Variants in MTUS2 observed in about 807,000 individuals in gnomAD.
The protein encoded by MTUS2 is microtubule-associated tumor suppressor candidate 2.
In MTUS2, 40 loss-of-function variants were observed where a neutral mutation model predicts 114.1. The observed-to-expected ratio is 0.35, with a 90% CI of 0.27 to 0.46. MTUS2 has a LOEUF of 0.46. MTUS2 is among the 20% of genes least tolerant of loss of function. The pLI is 1.00. For synonymous variants in MTUS2, 688 were observed against 672.0 expected (o/e 1.02, Z -0.37); for missense variants, 1,679 against 1,705.4 (o/e 0.98, Z 0.27).
intron 2 of MTUS2, among the ~76,000 whole-genome samples, chr13:28,930,951 A>G (rs1250662624): frequency 6.6e-6 from 1 of 152,194 alleles, no homozygotes; most frequent in Non-Finnish European, 1.5e-5. Context: ...TGTTTGTTTT[A>G]GAAGAATTAG....
chr13:29,008,487 G>A (rs140457628), intron 2 of MTUS2, among the ~76,000 whole-genome samples: 5 of 152,174 alleles, frequency 3.3e-5, no homozygotes, highest in African/African-American at 9.6e-5. Flanking sequence ...ATCTGTCCTG[G>A]CTCCCCTGTC....
intron 8 of MTUS2, among the ~76,000 whole-genome samples, chr13:29,364,416 T>C (rs1870535449): frequency 1.3e-5 from 2 of 152,136 alleles, no homozygotes; most frequent in Non-Finnish European, 2.9e-5. Flanking sequence ...GACTTCTGAA[T>C]AGAGATTTAG....
chr13:28,874,925 A>G (rs541410639), intron 2 of MTUS2, among the ~76,000 whole-genome samples: 23 of 152,310 alleles, frequency 1.5e-4, no homozygotes, highest in Middle Eastern at 3.4e-3. Flanking sequence ...ATCATGAGAG[A>G]AGTAGGATCT....
intron 8 of MTUS2, chr13:29,428,721 C>T: frequency 6.5e-7 from 1 of 1,539,278 alleles, no homozygotes; most frequent in South Asian, 1.3e-5. Context: ...CCAAGGGAAC[C>T]ACATGGAAGT....
chr13:28,842,205 A>T (rs1488568249), intron 2 of MTUS2, among the ~76,000 whole-genome samples: 1 of 152,004 alleles, frequency 6.6e-6, no homozygotes, highest in East Asian at 1.9e-4. Flanking sequence ...TGAAGAAAAA[A>T]ATGTGGATTT....
intron 6 of MTUS2, 63 bp downstream of exon 6, chr13:29,281,928 C>A: frequency 6.7e-7 from 1 of 1,488,978 alleles, no homozygotes; most frequent in East Asian, 2.3e-5. Context: ...AATAAAAAGT[C>A]TTTTGAAAGC....
At chr13:29,245,088 T>C (rs1017797303) in intron 5 of MTUS2, among the ~76,000 whole-genome samples, 1 of 151,904 alleles carries the variant, frequency 6.6e-6, no homozygotes, top group Non-Finnish European at 1.5e-5. Flanking sequence ...AAGTTTGAGC[T>C]GTTAAAAGAT....
chr13:29,499,886 C>G (rs559125796), intron 14 of MTUS2, among the ~76,000 whole-genome samples: 5 of 152,220 alleles, frequency 3.3e-5, no homozygotes, highest in Admixed American at 2.6e-4. Context: ...GCTGGATTGT[C>G]GCCAAGATTC....
At chr13:29,285,741 G>A (rs952499125) in intron 6 of MTUS2, among the ~76,000 whole-genome samples, 1 of 152,158 alleles carries the variant, frequency 6.6e-6, no homozygotes, top group Admixed American at 6.5e-5. Flanking sequence ...TGGGGAAAAT[G>A]AAGAGGGCAT....
intron 9 of MTUS2, among the ~76,000 whole-genome samples, chr13:29,447,698 A>T (rs3923361): frequency 0.11 from 17,011 of 148,864 alleles, 1,563 homozygotes; most frequent in African/African-American, 0.26. Context: ...TGTGGGGTTT[A>T]CGGGAATTGG....
chr13:28,832,480 T>A (rs1874755166), intron 1 of MTUS2, among the ~76,000 whole-genome samples: 1 of 146,998 alleles, frequency 6.8e-6, no homozygotes, highest in Non-Finnish European at 1.5e-5. Context: ...CACAAACTTC[T>A]GAGATGCAAC....
intron 4 of MTUS2, among the ~76,000 whole-genome samples, chr13:29,043,092 A>C (rs1887446961): frequency 6.6e-6 from 1 of 151,680 alleles, no homozygotes; most frequent in South Asian, 2.1e-4. Flanking sequence ...TTTTTGATGC[A>C]GGCACTGCTT....
intron 5 of MTUS2, among the ~76,000 whole-genome samples, chr13:29,246,571 A>C (rs1235891952): frequency 6.6e-6 from 1 of 152,208 alleles, no homozygotes; most frequent in Non-Finnish European, 1.5e-5. Flanking sequence ...TACCAAGTTG[A>C]ACTCAAACAG....
intron 9 of MTUS2, among the ~76,000 whole-genome samples, chr13:29,447,365 T>C (rs1878359876): frequency 6.6e-6 from 1 of 151,276 alleles, no homozygotes; most frequent in Non-Finnish European, 1.5e-5. Flanking sequence ...AAAGGGGGAG[T>C]ATTTTGACTT....
At position 29,034,051 on chromosome 13, in the gene MTUS2, G is replaced by A; in HGVS notation, c.2372G>A (p.Arg791Lys). The A allele has an allele frequency of 6.2e-7, 1 of 1,613,988 alleles. No homozygotes were observed. The highest frequency in any genetic ancestry group is 8.5e-7 in the Non-Finnish European group (1 of 1,179,896). Reference sequence around the variant, plus strand: ...AGCAGGATTCTGATTGCAAGTCAGAGGTCTTCAGCGAGCGCCATCCACCCA... The same window carrying A: ...AGCAGGATTCTGATTGCAAGTCAGAAGTCTTCAGCGAGCGCCATCCACCCA... ...AKSRILIASQRSSASAIHPPG... is the reference protein window; with the variant it reads ...AKSRILIASQKSSASAIHPPG... The change falls in exon 4 of 16, where the codon AGG (arginine) becomes AAG (lysine). Residue 791 changes from arginine (R) to lysine (K), a missense_variant. Transcript: ENST00000612955.
intron 2 of MTUS2, among the ~76,000 whole-genome samples, chr13:28,855,634 A>G (rs1264326017): frequency 3.3e-5 from 5 of 152,316 alleles, no homozygotes; most frequent in East Asian, 1.9e-4. Context: ...ATAGTATTCC[A>G]TGGTGTATAT....
rs74797668 is a variant in MTUS2 at position 29,140,644 on chromosome 13, G to A, written c.2644+39674G>A. ...ATCACCCAAAGGTATTTGTTCATTC[G>A]TTTGTTTTTTTCACCTCTGCCTGCC... On this transcript the variant is annotated intron_variant, in intron 5 of 15. Coordinates refer to ENST00000612955, the MANE Select transcript of MTUS2 (RefSeq NM_001033602.4). Among the ~76,000 whole-genome samples the A allele has an allele frequency of 2.8e-3, 422 of 152,264 alleles. 2 individuals are homozygous for A. Among genetic ancestry groups the A allele is most frequent in the African/African-American group, 9.7e-3 (401 of 41,554 alleles).
At chr13:29,306,829 G>A (rs1361708163) in intron 6 of MTUS2, 1 of 458,786 alleles carries the variant, frequency 2.2e-6, no homozygotes, top group Non-Finnish European at 4.4e-6. Context: ...TAGGTGTCTG[G>A]TCACCAGGGC....
At chr13:28,975,436 G>A (rs375717729) in intron 2 of MTUS2, among the ~76,000 whole-genome samples, 107 of 151,956 alleles carry the variant, frequency 7.0e-4, no homozygotes, top group Middle Eastern at 6.8e-3. Context: ...TTCTTCGGCA[G>A]TTTACTCACT....
Sources: allele counts gnomAD v4.1 joint callset (sites outside exome capture counted in the v4.1 genomes callset), GRCh38; gene constraint gnomAD v4.1.1; transcripts MANE v1.5; gene names NCBI Gene and HGNC (gene_info 2026-07-23, HGNC 2026-07-21).